DSCAM: variants seen among roughly 807,000 people sequenced by gnomAD.
DSCAM encodes the protein DS cell adhesion molecule, also known as cell adhesion molecule DSCAM.
Under a neutral mutation model 217.7 loss-of-function variants are expected in DSCAM, and 47 were observed. That is an observed-to-expected ratio of 0.22 (90% CI 0.17 to 0.28). The LOEUF (loss-of-function observed/expected upper bound fraction) is 0.28, where lower values mean the gene tolerates loss of function less well. DSCAM is among the 10% of genes least tolerant of loss of function. The pLI, the probability that DSCAM is intolerant of heterozygous loss-of-function variation, is 1.00. For missense variants in DSCAM, 2,080 were observed against 2,618.3 expected (o/e 0.79, Z 4.49); for synonymous variants, 1,056 against 1,015.3 (o/e 1.04, Z -0.76).
intron 6 of DSCAM, among the ~76,000 whole-genome samples, chr21:40,344,767 T>C (rs1487015660): frequency 6.6e-6 from 1 of 152,190 alleles, no homozygotes; most frequent in African/African-American, 2.4e-5. Context: ...TGTTTATTTT[T>C]GGAGTTTGCT....
chr21:40,453,490 T>G (rs1202564332), intron 3 of DSCAM, among the ~76,000 whole-genome samples: 1 of 152,162 alleles, frequency 6.6e-6, no homozygotes, highest in African/African-American at 2.4e-5. Context: ...TTCCTTTGCA[T>G]TTGCAAAACA....
At position 40,120,396 on chromosome 21, in the gene DSCAM, T is replaced by G. The variant is rs116747103; in HGVS notation, c.3696+3799A>C. Among the ~76,000 whole-genome samples, 1,025 of 152,336 alleles carry G rather than the reference T, an allele frequency of 6.7e-3. 15 individuals carry two copies. Among genetic ancestry groups the G allele is most frequent in the African/African-American group, 0.023 (957 of 41,578 alleles). Reference sequence around the variant, plus strand: ...CAATGTCTATATCATAATGCTTATTTAATGTGTATATAGTAAAAGCAGTCT... The same window carrying G: ...CAATGTCTATATCATAATGCTTATTGAATGTGTATATAGTAAAAGCAGTCT... On this transcript the variant is annotated intron_variant, in intron 20 of 32. Transcript: ENST00000400454.
intron 9 of DSCAM, among the ~76,000 whole-genome samples, chr21:40,297,164 T>C (rs906243470): frequency 6.6e-6 from 1 of 152,156 alleles, no homozygotes; most frequent in African/African-American, 2.4e-5. Context: ...AAACAAGATA[T>C]TAAGTGACTG....
At chr21:40,262,049 C>CTT (rs2073460281) in intron 11 of DSCAM, among the ~76,000 whole-genome samples, 1 of 152,054 alleles carries the variant, frequency 6.6e-6, no homozygotes, top group African/African-American at 2.4e-5. Context: ...CTCTCTCCCT[C>CTT]TCGCTTTCTT....
intron 14 of DSCAM, among the ~76,000 whole-genome samples, chr21:40,185,460 C>T (rs1457985164): frequency 6.6e-6 from 1 of 152,180 alleles, no homozygotes; most frequent in Non-Finnish European, 1.5e-5. Context: ...CAGCATCCGG[C>T]AATGCCCGCT....
intron 3 of DSCAM, among the ~76,000 whole-genome samples, chr21:40,452,171 T>C (rs770583029): frequency 1.3e-5 from 2 of 151,838 alleles, no homozygotes; most frequent in Non-Finnish European, 2.9e-5. Flanking sequence ...CTATATGTAC[T>C]ATATATAGAT....
chr21:40,786,519 C>T (rs542596877), intron 1 of DSCAM, among the ~76,000 whole-genome samples: 27 of 151,998 alleles, frequency 1.8e-4, no homozygotes, highest in African/African-American at 6.3e-4. Context: ...TTCAGTTTAA[C>T]GAGACACCCA....
chr21:40,537,207 G>A (rs1362480608), intron 3 of DSCAM, among the ~76,000 whole-genome samples: 4 of 152,066 alleles, frequency 2.6e-5, no homozygotes, highest in African/African-American at 7.2e-5. Context: ...TCTTTTCACT[G>A]AACAAAGTTC....
chr21:40,687,994 G>A (rs1180146229), intron 3 of DSCAM, among the ~76,000 whole-genome samples: 1 of 152,096 alleles, frequency 6.6e-6, no homozygotes, highest in Non-Finnish European at 1.5e-5. Context: ...ATTTCATGTG[G>A]GCAGAAAATT....
chr21:40,475,908 G>C (rs1376764951), intron 3 of DSCAM, among the ~76,000 whole-genome samples: 4 of 151,942 alleles, frequency 2.6e-5, no homozygotes, highest in Admixed American at 2.6e-4. Context: ...AGTTTCTTTT[G>C]TGTGTAAGTT....
At chr21:40,651,951 G>GC (rs911646334) in intron 3 of DSCAM, among the ~76,000 whole-genome samples, 25 of 152,068 alleles carry the variant, frequency 1.6e-4, no homozygotes, top group East Asian at 1.5e-3. Flanking sequence ...AAAGAGGTCA[G>GC]CCCCCCCACC....
At chr21:40,535,747 G>A (rs572949067) in intron 3 of DSCAM, among the ~76,000 whole-genome samples, 2 of 152,310 alleles carry the variant, frequency 1.3e-5, no homozygotes, top group South Asian at 2.1e-4. Context: ...CTAAAGGTTG[G>A]TGGTTGTGAG....
intron 2 of DSCAM, among the ~76,000 whole-genome samples, chr21:40,706,608 G>T (rs1042787171): frequency 6.6e-6 from 1 of 152,142 alleles, no homozygotes. Context: ...ATACAGAAGA[G>T]GATACCCCGT....
chr21:40,260,152 C>T (rs1268045292), intron 11 of DSCAM, among the ~76,000 whole-genome samples: 1 of 152,134 alleles, frequency 6.6e-6, no homozygotes, highest in Non-Finnish European at 1.5e-5. Flanking sequence ...GTGCTCTTTT[C>T]TGCTCAAGCA....
At chr21:40,474,246 T>C (rs1175860932) in intron 3 of DSCAM, among the ~76,000 whole-genome samples, 1 of 151,962 alleles carries the variant, frequency 6.6e-6, no homozygotes, top group Non-Finnish European at 1.5e-5. Context: ...TGAGCAGAGA[T>C]TGCGCCACTG....
At chr21:40,201,848 T>C (rs2091073689) in intron 11 of DSCAM, among the ~76,000 whole-genome samples, 1 of 152,234 alleles carries the variant, frequency 6.6e-6, no homozygotes, top group South Asian at 2.1e-4. Context: ...AAATAGATCA[T>C]GTCATCCTGA....
intron 30 of DSCAM, among the ~76,000 whole-genome samples, chr21:40,046,422 A>AT (rs5843995): frequency 0.35 from 53,234 of 151,668 alleles, 9,581 homozygotes; most frequent in Admixed American, 0.44. Context: ...ACTTCATTAG[A>AT]TTTTTTTTGT....
intron 11 of DSCAM, among the ~76,000 whole-genome samples, chr21:40,240,363 T>TTTTTTTTTTTTTC: frequency 6.7e-6 from 1 of 148,806 alleles, no homozygotes; most frequent in African/African-American, 2.5e-5. Flanking sequence ...TTTTTTTTTT[T>TTTTTTTTTTTTTC]TTTTTTTTTT....
chr21:40,182,192 G>T (rs1422306077), intron 14 of DSCAM, among the ~76,000 whole-genome samples: 1 of 152,178 alleles, frequency 6.6e-6, no homozygotes, highest in Non-Finnish European at 1.5e-5. Context: ...TACATGAAAG[G>T]TTTAACAATG....
Sources: gnomAD v4.1 joint callset for allele counts (sites outside exome capture counted in the v4.1 genomes callset) on GRCh38, gnomAD v4.1.1 for gene constraint, MANE v1.5 for transcripts, NCBI Gene and HGNC (gene_info 2026-07-23, HGNC 2026-07-21) for gene names.